Variants in CYP20A1 observed in about 807,000 individuals in gnomAD.
CYP20A1 encodes cytochrome P450 family 20 subfamily A member 1.
A neutral mutation model predicts 61.4 loss-of-function variants in CYP20A1; 61 were observed. The observed-to-expected ratio is 0.99, with a 90% CI of 0.81 to 1.23. The LOEUF is 1.23. Among genes scored for constraint, CYP20A1 ranks in the 50% most tolerant of loss-of-function variants. CYP20A1 has a pLI of 0.00. For missense variants in CYP20A1, 530 were observed against 542.4 expected, an observed-to-expected ratio of 0.98 and a Z score of 0.23; for synonymous variants, 193 against 188.2, an observed-to-expected ratio of 1.03 and a Z score of -0.21.
At chr2:203,255,816 A>G (rs182660983) in intron 4 of CYP20A1, among the ~76,000 whole-genome samples, 1 of 152,252 alleles carries the variant, frequency 6.6e-6, no homozygotes, top group East Asian at 1.9e-4. Flanking sequence ...GGGCCTGTCT[A>G]TGCTATTCCC....
intron 1 of CYP20A1, among the ~76,000 whole-genome samples, chr2:203,245,064 CTG>C (rs1356868064): frequency 7.6e-6 from 1 of 131,698 alleles, no homozygotes; most frequent in Non-Finnish European, 1.6e-5. Context: ...GAGTCTTGCT[CTG>C]TTGCCCAGGC....
At chr2:203,253,731 T>A (rs1287529574) in intron 4 of CYP20A1, among the ~76,000 whole-genome samples, 1 of 152,060 alleles carries the variant, frequency 6.6e-6, no homozygotes, top group Non-Finnish European at 1.5e-5. Context: ...ATACAGACAT[T>A]TGTAATACAT....
rs367988513 is a variant in CYP20A1, at chr2:203,289,835, G to A, written c.1042G>A (p.Asp348Asn). The A allele has an allele frequency of 2.1e-5, 33 of 1,597,268 alleles. No homozygotes were observed. The African/African-American group carries it at 3.8e-4, about 18-fold the overall frequency. Reference sequence around the variant, plus strand: ...GACTCCAGTTTCTGCCCAGCTTCAAGATATTGAAGGAAAAATTGACCGATT... The same window carrying A: ...GACTCCAGTTTCTGCCCAGCTTCAAAATATTGAAGGAAAAATTGACCGATT... Reference protein sequence around the residue: ...KLTPVSAQLQDIEGKIDRFII... With the variant: ...KLTPVSAQLQNIEGKIDRFII... The change falls in exon 10 of 13, where the codon GAT becomes AAT. Residue 348 changes from aspartate to asparagine, a missense_variant. By Grantham distance (23) the Asp-to-Asn change is conservative. Transcript: ENST00000356079.
At chr2:203,277,125 G>T (rs970199637) in intron 6 of CYP20A1, among the ~76,000 whole-genome samples, 1 of 151,744 alleles carries the variant, frequency 6.6e-6, no homozygotes, top group African/African-American at 2.4e-5. Context: ...GACATGGGCG[G>T]ATCACAAGGT....
In CYP20A1 at chr2:203,285,737, G is replaced by T; in HGVS notation, c.971+5G>T. ...AGAGAAAATTGAGCAGCTCAGGTAA[G>T]AACACAATAAAAAGAGGAGATTATT... On this transcript the variant is annotated splice_donor_5th_base_variant and intron_variant, in intron 9 of 12. Coordinates refer to ENST00000356079, the MANE Select transcript of CYP20A1 (RefSeq NM_177538.3). 1 of 1,564,908 alleles carries T rather than the reference G, an allele frequency of 6.4e-7. No homozygotes were observed. The highest frequency in any genetic ancestry group is 1.2e-5 in the South Asian group (1 of 81,632).
chr2:203,290,355 T>C (rs2068481933), intron 10 of CYP20A1, among the ~76,000 whole-genome samples: 1 of 152,250 alleles, frequency 6.6e-6, no homozygotes, highest in African/African-American at 2.4e-5. Flanking sequence ...GTTCAAGCAA[T>C]ATAAAAGTCT....
chr2:203,305,799 C>T lies in CYP20A1; in HGVS notation c.*8891C>T, dbSNP rs565030777. ...AGTAAATGAATGAAATCTTTATTGC[C>T]GGTGTTCTGTGCACATAGAATAAAG... On this transcript the variant is annotated 3_prime_UTR_variant, in exon 13 of 13. Transcript: ENST00000356079. Among the ~76,000 whole-genome samples the T allele has an allele frequency of 4.6e-5, 7 of 151,952 alleles. No individual in the cohort carries two copies. Among genetic ancestry groups the T allele is most frequent in the Non-Finnish European group, 7.4e-5 (5 of 67,990 alleles).
intron 1 of CYP20A1, among the ~76,000 whole-genome samples, chr2:203,241,089 G>A (rs965210288): frequency 1.3e-5 from 2 of 152,194 alleles, no homozygotes; most frequent in African/African-American, 4.8e-5. Context: ...GGATTTCCCA[G>A]TGGATTGGAT....
At chr2:203,271,554 G>C (rs982161342) in intron 5 of CYP20A1, among the ~76,000 whole-genome samples, 1 of 152,000 alleles carries the variant, frequency 6.6e-6, no homozygotes, top group Non-Finnish European at 1.5e-5. Flanking sequence ...ATTAAAATCA[G>C]GTTAAAGTTT....
At chr2:203,266,832 TC>T (rs768790586) in intron 5 of CYP20A1, 151 bp downstream of exon 5, 4 of 632,564 alleles carry the variant, frequency 6.3e-6, no homozygotes, top group Non-Finnish European at 1.1e-5. Flanking sequence ...AATACAAAAA[TC>T]AGCTGGGTGT....
At chr2:203,294,941 ATTTTTTTTTTT>A (rs1167546590) in intron 11 of CYP20A1, among the ~76,000 whole-genome samples, 1 of 45,434 alleles carries the variant, frequency 2.2e-5, no homozygotes. Context: ...CTTTAAAAAA[ATTTTTTTTTTT>A]TTTTTTTTTT....
chr2:203,293,785 T>A (rs2068648736), intron 11 of CYP20A1, among the ~76,000 whole-genome samples: 1 of 152,120 alleles, frequency 6.6e-6, no homozygotes, highest in Non-Finnish European at 1.5e-5. Context: ...CTCCCAAGAA[T>A]TTCCCTTTTT....
At chr2:203,283,005 C>CA (rs1015828419) in intron 8 of CYP20A1, among the ~76,000 whole-genome samples, 10 of 151,230 alleles carry the variant, frequency 6.6e-5, no homozygotes, top group Admixed American at 2.0e-4. Flanking sequence ...ACAATCTCTA[C>CA]AAAAAAAATA....
In CYP20A1 at chr2:203,245,863, A is replaced by G; in HGVS notation, c.90A>G (p.Ala30=). Residue 30 remains alanine (A), a synonymous_variant, in exon 2 of 13, where the codon GCA becomes GCG. Transcript: ENST00000356079. ...LYLYPASRQA[A]GIPGITPTEE... ...TTTGTAAGGCTTCCAGACAAGCTGC[A>G]GGAATTCCAGGGATTACTCCAACTG... The G allele has an allele frequency of 6.2e-7, 1 of 1,602,732 alleles. No individual in the cohort carries two copies. The highest frequency in any genetic ancestry group is 8.5e-7 in the Non-Finnish European group (1 of 1,172,328).
Position 203,297,256 on chromosome 2 carries a change from G to A in CYP20A1, c.*348G>A. 1 of 191,674 alleles carries A rather than the reference G, an allele frequency of 5.2e-6. No individual in the cohort carries two copies. Among genetic ancestry groups the A allele is most frequent in the East Asian group, 1.7e-4 (1 of 5,784 alleles). The allele number at this position is 191,674 out of a possible 1,614,324, so 11.9% of individuals were successfully genotyped here. On this transcript the variant is annotated 3_prime_UTR_variant, in exon 13 of 13. Transcript: ENST00000356079. ...TATTTTGCAGAAGTTGGGGAATCAT[G>A]TTTGTTGAATATGTATAAAATAGAA...
In CYP20A1 at chr2:203,272,689, A is replaced by C; in HGVS notation, c.620A>C (p.Lys207Thr). The C allele has an allele frequency of 6.2e-7, 1 of 1,607,118 alleles. No individual in the cohort carries two copies. The highest frequency in any genetic ancestry group is 8.5e-7 in the Non-Finnish European group (1 of 1,177,684). Reference sequence around the variant, plus strand: ...TTTCAGGTTTGGTCTGAGATTGGAAAAGGCTTTCTAGATGGGTCACTTGAT... The same window carrying C: ...TTTCAGGTTTGGTCTGAGATTGGAACAGGCTTTCTAGATGGGTCACTTGAT... Reference protein sequence around the residue: ...NHGTVWSEIGKGFLDGSLDKN... With the variant: ...NHGTVWSEIGTGFLDGSLDKN... Residue 207 changes from lysine to threonine, a missense_variant, in exon 6 of 13, where the codon AAA becomes ACA. Coordinates refer to ENST00000356079, the MANE Select transcript of CYP20A1 (RefSeq NM_177538.3).
intron 5 of CYP20A1, among the ~76,000 whole-genome samples, chr2:203,270,736 CTTTTTTTTT>C (rs551427259): frequency 7.8e-6 from 1 of 127,978 alleles, no homozygotes; most frequent in Non-Finnish European, 1.7e-5. Context: ...TTTTTTTTTT[CTTTTTTTTT>C]TTTTTTAGGC....
chr2:203,247,277 T>A (rs1270686723), intron 3 of CYP20A1, among the ~76,000 whole-genome samples: 1 of 151,686 alleles, frequency 6.6e-6, no homozygotes, highest in Non-Finnish European at 1.5e-5. Context: ...AAAAAAAGAA[T>A]TAATGTTTAT....
chr2:203,239,042 G>A lies in CYP20A1; in HGVS notation c.-21G>A, dbSNP rs768032504. The A allele has an allele frequency of 6.2e-7, 1 of 1,611,524 alleles. No individual in the cohort carries two copies. The highest frequency in any genetic ancestry group is 1.3e-5 in the African/African-American group (1 of 74,894). On this transcript the variant is annotated 5_prime_UTR_variant, in exon 1 of 13. Transcript: ENST00000356079. ...TGCTGGAGCGGCCGATCCGAGACGTGGCTCCCTGGGCGGCAGAACCATGTT... is the reference window on the plus strand; with the variant it reads ...TGCTGGAGCGGCCGATCCGAGACGTAGCTCCCTGGGCGGCAGAACCATGTT...
Sources: allele counts gnomAD v4.1 joint callset (sites outside exome capture counted in the v4.1 genomes callset), GRCh38; gene constraint gnomAD v4.1.1; transcripts MANE v1.5; gene names NCBI Gene and HGNC (gene_info 2026-07-23, HGNC 2026-07-21).